The following RFX3 variants were observed in gnomAD, a reference collection of about 807,000 sequenced individuals.
The protein encoded by RFX3 is regulatory factor X3, also known as transcription factor RFX3.
Under a neutral mutation model 98.6 loss-of-function variants are expected in RFX3, and 14 were observed. The observed-to-expected ratio is 0.14, with a 90% confidence interval of 0.09 to 0.22. RFX3 has a LOEUF of 0.22. RFX3 is among the 10% of genes least tolerant of loss of function. RFX3 has a pLI of 1.00. For synonymous variants in RFX3, 383 were observed against 328.4 expected, an observed-to-expected ratio of 1.17 and a Z score of -1.80; for missense variants, 639 against 926.9, an observed-to-expected ratio of 0.69 and a Z score of 4.03.
intron 1 of RFX3, among the ~76,000 whole-genome samples, chr9:3,504,239 A>T (rs58151958): frequency 3.1e-5 from 4 of 129,466 alleles, no homozygotes; most frequent in Admixed American, 8.7e-5. Context: ...ACTATATATT[A>T]TATATATATT....
intron 3 of RFX3, among the ~76,000 whole-genome samples, chr9:3,343,335 G>C (rs1169403929): frequency 2.0e-5 from 3 of 152,134 alleles, no homozygotes; most frequent in Non-Finnish European, 4.4e-5. Flanking sequence ...TTAGCAAAAA[G>C]CATTTATTAT....
intron 4 of RFX3, among the ~76,000 whole-genome samples, chr9:3,313,773 G>C (rs1255281283): frequency 6.6e-6 from 1 of 152,226 alleles, no homozygotes; most frequent in Non-Finnish European, 1.5e-5. Flanking sequence ...AAGGGTATCA[G>C]TGACTGAAGA....
At chr9:3,318,164 CAT>C (rs1237259856) in intron 4 of RFX3, among the ~76,000 whole-genome samples, 2 of 152,160 alleles carry the variant, frequency 1.3e-5, no homozygotes, top group Non-Finnish European at 2.9e-5. Context: ...AAATGTGGCA[CAT>C]ATACACCATG....
intron 1 of RFX3, among the ~76,000 whole-genome samples, chr9:3,421,559 GA>G (rs1361254293): frequency 6.6e-6 from 1 of 152,180 alleles, no homozygotes; most frequent in Non-Finnish European, 1.5e-5. Context: ...TTGTTGTACA[GA>G]ATAGCAGAAG....
intron 7 of RFX3, among the ~76,000 whole-genome samples, chr9:3,286,141 C>T (rs1826568991): frequency 6.6e-6 from 1 of 151,680 alleles, no homozygotes. Flanking sequence ...CTTTCTTTTT[C>T]TTGATTTCAC....
chr9:3,465,196 G>T (rs144250380), intron 1 of RFX3, among the ~76,000 whole-genome samples: 4 of 152,118 alleles, frequency 2.6e-5, no homozygotes, highest in African/African-American at 9.7e-5. Flanking sequence ...TCAGTAGTCT[G>T]ACAGCATCTT....
intron 2 of RFX3, among the ~76,000 whole-genome samples, chr9:3,392,724 G>C (rs1840440330): frequency 6.6e-6 from 1 of 150,912 alleles, no homozygotes; most frequent in South Asian, 2.1e-4. Flanking sequence ...CAAAGTTTCA[G>C]AGAAAAAAAA....
chr9:3,401,706 C>G (rs1841484441), intron 1 of RFX3, among the ~76,000 whole-genome samples: 1 of 152,200 alleles, frequency 6.6e-6, no homozygotes, highest in Non-Finnish European at 1.5e-5. Context: ...TCAGGTGTGT[C>G]ATGAGCAACA....
chr9:3,404,539 C>G (rs896362634), intron 1 of RFX3, among the ~76,000 whole-genome samples: 1 of 152,016 alleles, frequency 6.6e-6, no homozygotes, highest in Non-Finnish European at 1.5e-5. Flanking sequence ...TTTCTTGCCT[C>G]CAGAAACAAT....
At chr9:3,238,440 G>C (rs1199058901) in intron 15 of RFX3, among the ~76,000 whole-genome samples, 2 of 152,204 alleles carry the variant, frequency 1.3e-5, no homozygotes. Flanking sequence ...TGCTGGAATG[G>C]GGGTGATTAC....
intron 9 of RFX3, among the ~76,000 whole-genome samples, chr9:3,274,686 T>G (rs551267315): frequency 5.4e-4 from 82 of 152,248 alleles, no homozygotes; most frequent in African/African-American, 1.9e-3. Flanking sequence ...TTCCAGAAAT[T>G]ATTTTAATAG....
intron 1 of RFX3, among the ~76,000 whole-genome samples, chr9:3,496,606 T>G (rs1851126150): frequency 6.6e-6 from 1 of 151,974 alleles, no homozygotes; most frequent in Non-Finnish European, 1.5e-5. Flanking sequence ...CACGTTAAGC[T>G]CTCTCTATAC....
At chr9:3,421,059 T>G in intron 1 of RFX3, 2 of 308,426 alleles carry the variant, frequency 6.5e-6, no homozygotes, top group Non-Finnish European at 9.2e-6. Context: ...AAATAATCAA[T>G]ACAGTATCTC....
At chr9:3,292,888 T>G (rs571434618) in intron 6 of RFX3, among the ~76,000 whole-genome samples, 189 bp downstream of exon 6, 1 of 152,210 alleles carries the variant, frequency 6.6e-6, no homozygotes, top group Non-Finnish European at 1.5e-5. Context: ...AGACAACATA[T>G]AATTGTGGCT....
intron 15 of RFX3, chr9:3,247,769 C>G (rs780185064): frequency 6.3e-7 from 1 of 1,580,708 alleles, no homozygotes; most frequent in East Asian, 2.3e-5. Flanking sequence ...TCAAGTTTTT[C>G]TTTTACATAG....
At chr9:3,355,158 G>C (rs972169585) in intron 2 of RFX3, among the ~76,000 whole-genome samples, 7 of 151,406 alleles carry the variant, frequency 4.6e-5, no homozygotes, top group Non-Finnish European at 7.4e-5. Context: ...CAAAAATAAA[G>C]GAAATAAAAG....
intron 1 of RFX3, among the ~76,000 whole-genome samples, chr9:3,411,168 C>A (rs747358710): frequency 6.6e-6 from 1 of 152,230 alleles, no homozygotes; most frequent in East Asian, 1.9e-4. Context: ...CTAAATAAAA[C>A]GGAAAGGTTA....
At chr9:3,314,966 G>A (rs965254719) in intron 4 of RFX3, among the ~76,000 whole-genome samples, 3 of 152,090 alleles carry the variant, frequency 2.0e-5, no homozygotes, top group Admixed American at 1.3e-4. Flanking sequence ...ACAGATCAAC[G>A]AGACAGAAAG....
At chr9:3,313,059 T>G (rs564413975) in intron 4 of RFX3, among the ~76,000 whole-genome samples, 2 of 152,264 alleles carry the variant, frequency 1.3e-5, no homozygotes, top group East Asian at 3.9e-4. Context: ...AACGGACAGA[T>G]TGCCTCCTCA....
Sources: allele counts gnomAD v4.1 joint callset (sites outside exome capture counted in the v4.1 genomes callset), GRCh38; gene constraint gnomAD v4.1.1; transcripts MANE v1.5; gene names NCBI Gene and HGNC (gene_info 2026-07-23, HGNC 2026-07-21).